EHBP1: variants seen among roughly 807,000 people sequenced by gnomAD.
EHBP1 encodes the protein EH domain-binding protein 1.
EHBP1 carries 55 observed loss-of-function variants against 144.0 expected under a neutral mutation model. That is an observed-to-expected ratio of 0.38 (90% CI 0.31 to 0.48). EHBP1 has a LOEUF of 0.48. Among genes scored for constraint, EHBP1 ranks in the 20% least tolerant of loss-of-function variants. The probability of loss-of-function intolerance (pLI) is 0.98; values close to 1 mark genes in which losing one functional copy is unlikely to be tolerated. For missense variants in EHBP1, 1,200 were observed against 1,364.2 expected, an observed-to-expected ratio of 0.88 and a Z score of 1.90; for synonymous variants, 469 against 472.7, an observed-to-expected ratio of 0.99 and a Z score of 0.10.
intron 5 of EHBP1, among the ~76,000 whole-genome samples, chr2:62,813,607 TG>T (rs1178903039): frequency 1.3e-5 from 2 of 152,162 alleles, no homozygotes; most frequent in African/African-American, 4.8e-5. Context: ...TGAGAGCTGC[TG>T]GGTGGACTGA....
intron 5 of EHBP1, among the ~76,000 whole-genome samples, chr2:62,783,805 A>G (rs1165618699): frequency 3.3e-5 from 5 of 152,190 alleles, no homozygotes; most frequent in African/African-American, 1.2e-4. Context: ...CATTTTCCCC[A>G]TTGTCTTGGT....
intron 5 of EHBP1, among the ~76,000 whole-genome samples, chr2:62,780,150 A>G (rs1344101232): frequency 6.6e-6 from 1 of 152,078 alleles, no homozygotes; most frequent in African/African-American, 2.4e-5. Context: ...ATTCAATATT[A>G]TCTTGATTCT....
At chr2:63,041,897 T>C (rs1289486120) in intron 21 of EHBP1, among the ~76,000 whole-genome samples, 2 of 152,230 alleles carry the variant, frequency 1.3e-5, no homozygotes, top group Non-Finnish European at 2.9e-5. Context: ...TTAAAGTGTT[T>C]ATAGGTATTT....
At chr2:62,823,728 T>TA (rs1344471809) in intron 5 of EHBP1, among the ~76,000 whole-genome samples, 1 of 152,096 alleles carries the variant, frequency 6.6e-6, no homozygotes, top group Non-Finnish European at 1.5e-5. Flanking sequence ...TAGCTAATTT[T>TA]AAGGAGAGAA....
At chr2:62,730,668 TACAC>T (rs2037429411) in intron 2 of EHBP1, among the ~76,000 whole-genome samples, 1 of 145,472 alleles carries the variant, frequency 6.9e-6, no homozygotes, top group Non-Finnish European at 1.5e-5. Flanking sequence ...TAGACAAAGA[TACAC>T]AAAGAGAGAA....
chr2:62,677,161 A>C (rs1420913468), intron 1 of EHBP1, among the ~76,000 whole-genome samples: 4 of 152,180 alleles, frequency 2.6e-5, no homozygotes, highest in African/African-American at 9.7e-5. Context: ...GTGCCACTGC[A>C]CTCTAGCCAG....
At chr2:62,942,555 G>A (rs2056821589) in intron 10 of EHBP1, among the ~76,000 whole-genome samples, 163 bp from the exon 11 acceptor site, 1 of 152,228 alleles carries the variant, frequency 6.6e-6, no homozygotes. Context: ...GATAATTTAA[G>A]ATTTATGTCT....
chr2:62,963,063 C>A (rs1188439622), intron 14 of EHBP1, among the ~76,000 whole-genome samples: 1 of 152,146 alleles, frequency 6.6e-6, no homozygotes, highest in Non-Finnish European at 1.5e-5. Context: ...ACGTTTGAAT[C>A]CTCTAGAGAA....
chr2:62,832,305 T>G (rs2046870737), intron 7 of EHBP1, among the ~76,000 whole-genome samples: 1 of 152,132 alleles, frequency 6.6e-6, no homozygotes, highest in African/African-American at 2.4e-5. Flanking sequence ...GATTTATACA[T>G]TTTCTAGAAA....
At chr2:62,802,754 T>C (rs931377608) in intron 5 of EHBP1, among the ~76,000 whole-genome samples, 4 of 148,488 alleles carry the variant, frequency 2.7e-5, no homozygotes, top group Middle Eastern at 3.5e-3. Context: ...AGACAGAGTC[T>C]TCCTCTGTTG....
intron 3 of EHBP1, among the ~76,000 whole-genome samples, chr2:62,761,170 T>G (rs747754309): frequency 6.6e-6 from 1 of 152,136 alleles, no homozygotes; most frequent in African/African-American, 2.4e-5. Flanking sequence ...AGAAATTTAC[T>G]TTTCAAAATG....
chr2:62,967,885 T>TCA (rs1302577339), intron 14 of EHBP1, among the ~76,000 whole-genome samples: 2 of 152,086 alleles, frequency 1.3e-5, no homozygotes, highest in Non-Finnish European at 2.9e-5. Flanking sequence ...CTTTTTTTTT[T>TCA]CATCTCAAAT....
At chr2:62,854,232 G>A (rs1403235981) in intron 7 of EHBP1, among the ~76,000 whole-genome samples, 1 of 152,176 alleles carries the variant, frequency 6.6e-6, no homozygotes, top group African/African-American at 2.4e-5. Context: ...TGGTTGGTTT[G>A]ATGTTCTATC....
intron 3 of EHBP1, among the ~76,000 whole-genome samples, chr2:62,760,753 G>A (rs929781738): frequency 8.5e-5 from 13 of 152,198 alleles, no homozygotes; most frequent in African/African-American, 2.4e-4. Context: ...GGCATGATAT[G>A]GGTTTGGTGA....
At chr2:62,825,904 C>G (rs538710158) in intron 5 of EHBP1, among the ~76,000 whole-genome samples, 183 bp from the exon 6 acceptor site, 4 of 151,970 alleles carry the variant, frequency 2.6e-5, no homozygotes, top group Non-Finnish European at 5.9e-5. Context: ...ATCTGCCTTA[C>G]TTATAAATGT....
intron 14 of EHBP1, among the ~76,000 whole-genome samples, chr2:62,964,790 A>G (rs1040868075): frequency 6.6e-6 from 1 of 152,214 alleles, no homozygotes; most frequent in African/African-American, 2.4e-5. Context: ...TTGGTAATTA[A>G]TGAACAGTCC....
chr2:62,699,480 A>G (rs2034208603), intron 1 of EHBP1, among the ~76,000 whole-genome samples: 1 of 152,372 alleles, frequency 6.6e-6, no homozygotes, highest in Admixed American at 6.5e-5. Flanking sequence ...TATGTAAATT[A>G]TCTCAGCTAG....
At chr2:62,936,122 TG>T (rs1439379217) in intron 10 of EHBP1, among the ~76,000 whole-genome samples, 2 of 152,196 alleles carry the variant, frequency 1.3e-5, no homozygotes, top group Non-Finnish European at 2.9e-5. Context: ...GCCCATGAAA[TG>T]AGTTAGAGAA....
intron 4 of EHBP1, among the ~76,000 whole-genome samples, chr2:62,767,615 G>A (rs1341944804): frequency 6.6e-6 from 1 of 151,870 alleles, no homozygotes; most frequent in Non-Finnish European, 1.5e-5. Context: ...CAAGGAGATC[G>A]TTTGAGCTCA....
Sources: gnomAD v4.1 joint callset for allele counts (sites outside exome capture counted in the v4.1 genomes callset) on GRCh38, gnomAD v4.1.1 for gene constraint, MANE v1.5 for transcripts, NCBI Gene and HGNC (gene_info 2026-07-23, HGNC 2026-07-21) for gene names.